The following PTPRD variants were observed in gnomAD, a reference collection of about 807,000 sequenced individuals.
The protein encoded by PTPRD is protein tyrosine phosphatase receptor type D, also known as receptor-type tyrosine-protein phosphatase delta.
PTPRD carries 34 observed loss-of-function variants against 214.5 expected under a neutral mutation model. That is an observed-to-expected ratio of 0.16 (90% CI 0.12 to 0.21). The LOEUF (loss-of-function observed/expected upper bound fraction) is 0.21, where lower values mean the gene tolerates loss of function less well. Among genes scored for constraint, PTPRD ranks in the 10% least tolerant of loss-of-function variants. PTPRD has a pLI of 1.00. For missense variants in PTPRD, 2,545 were observed against 2,398.7 expected, an observed-to-expected ratio of 1.06 and a Z score of -1.27; for synonymous variants, 1,128 against 845.7, an observed-to-expected ratio of 1.33 and a Z score of -5.79.
At chr9:9,635,681 T>A (rs372743982) in intron 7 of PTPRD, among the ~76,000 whole-genome samples, 1 of 152,222 alleles carries the variant, frequency 6.6e-6, no homozygotes, top group Non-Finnish European at 1.5e-5. Context: ...AGTCTCAACA[T>A]GGTTCATTTC....
chr9:10,372,837 A>ATTATTATTG (rs2097653985), intron 2 of PTPRD, among the ~76,000 whole-genome samples: 1 of 94 alleles, frequency 0.011, no homozygotes, highest in African/African-American at 0.083. Flanking sequence ...GTTTTTATAC[A>ATTATTATTG]TTATTATTAT....
At chr9:8,672,514 T>G (rs543484398) in intron 12 of PTPRD, among the ~76,000 whole-genome samples, 2 of 152,082 alleles carry the variant, frequency 1.3e-5, no homozygotes, top group Middle Eastern at 6.3e-3. Flanking sequence ...CATGCTAGGG[T>G]TCCTTGTAAC....
At chr9:10,559,105 T>A (rs1169046234) in intron 2 of PTPRD, among the ~76,000 whole-genome samples, 1 of 152,060 alleles carries the variant, frequency 6.6e-6, no homozygotes, top group Non-Finnish European at 1.5e-5. Context: ...AATACAGGAC[T>A]TAGAAAATAG....
chr9:10,011,762 A>G (rs2096604795), intron 4 of PTPRD, among the ~76,000 whole-genome samples: 1 of 152,030 alleles, frequency 6.6e-6, no homozygotes, highest in African/African-American at 2.4e-5. Context: ...TCAGTCCCTT[A>G]GTTTTCTATT....
chr9:10,333,909 C>T (rs2096796335), intron 3 of PTPRD, among the ~76,000 whole-genome samples: 1 of 151,744 alleles, frequency 6.6e-6, no homozygotes, highest in Non-Finnish European at 1.5e-5. Flanking sequence ...AACATTTATA[C>T]TTTCTGTTGT....
chr9:9,467,588 C>CAAAAAAAAAAAAAAAAAAAAAAAAAAAAA (rs1176159031), intron 8 of PTPRD, among the ~76,000 whole-genome samples: 5 of 55,954 alleles, frequency 8.9e-5, no homozygotes, highest in Non-Finnish European at 9.6e-5. Context: ...CTCCATCTCC[C>CAAAAAAAAAAAAAAAAAAAAAAAAAAAAA]AAAAAAAAAA....
intron 14 of PTPRD, among the ~76,000 whole-genome samples, 172 bp downstream of exon 14, chr9:8,633,145 G>C (rs935747368): frequency 5.3e-5 from 8 of 151,900 alleles, no homozygotes; most frequent in Non-Finnish European, 1.0e-4. Flanking sequence ...GTTCTGTAAA[G>C]ACCCAAAACT....
chr9:9,885,985 A>T (rs558635391), intron 5 of PTPRD, among the ~76,000 whole-genome samples: 1 of 127,370 alleles, frequency 7.9e-6, no homozygotes. Flanking sequence ...CCCACATATT[A>T]AAAAAAAAAA....
chr9:8,389,008 T>G (rs1433130121), intron 37 of PTPRD, among the ~76,000 whole-genome samples: 1 of 151,426 alleles, frequency 6.6e-6, no homozygotes, highest in Non-Finnish European at 1.5e-5. Context: ...TTTTTACTTT[T>G]TAGCAACCAC....
chr9:8,486,164 T>C lies in PTPRD; in HGVS notation c.2653A>G (p.Ile885Val), dbSNP rs61733190. 9 of 1,614,206 alleles carry C rather than the reference T, an allele frequency of 5.6e-6. No individual in the cohort carries two copies. Among genetic ancestry groups the C allele is most frequent in the Non-Finnish European group, 6.8e-6 (8 of 1,180,030 alleles). Residue 885 changes from isoleucine (I) to valine (V), a missense_variant, in exon 28 of 46, where the codon ATC becomes GTC. Ile to Val is a conservative substitution (Grantham distance 29). Transcript: ENST00000381196. ...EKEDHFTATD[I>V]HKGASYVFRL... The stretch of plus-strand genomic sequence containing the variant: ...AAGACGTATGATGCTCCCTTGTGGA[T>C]GTCTGTAGCTGTAAAGTGATCTTCT...
At chr9:9,595,458 ACGCATATGTACACATGCATACACATG>A in intron 7 of PTPRD, among the ~76,000 whole-genome samples, 1 of 150,490 alleles carries the variant, frequency 6.6e-6, no homozygotes, top group Admixed American at 6.7e-5. Context: ...ATACACATGT[ACGCATATGTACACATGCATACACATG>A]TATGCATATG....
chr9:10,558,648 A>G (rs1039827115), intron 2 of PTPRD, among the ~76,000 whole-genome samples: 1 of 152,152 alleles, frequency 6.6e-6, no homozygotes, highest in African/African-American at 2.4e-5. Context: ...CTACCAGACT[A>G]TTTGGTAGGT....
intron 6 of PTPRD, among the ~76,000 whole-genome samples, chr9:9,741,699 T>C (rs2098404981): frequency 6.6e-6 from 1 of 152,170 alleles, no homozygotes; most frequent in South Asian, 2.1e-4. Flanking sequence ...AGTGAGAATA[T>C]GCAGTGTTTG....
intron 3 of PTPRD, among the ~76,000 whole-genome samples, chr9:10,211,099 G>T (rs1026885587): frequency 6.6e-6 from 1 of 151,932 alleles, no homozygotes; most frequent in Admixed American, 6.6e-5. Flanking sequence ...TTGGGAAAAA[G>T]GGGGAGATTG....
intron 9 of PTPRD, among the ~76,000 whole-genome samples, chr9:9,239,191 A>C (rs981581162): frequency 2.7e-5 from 4 of 147,014 alleles, no homozygotes; most frequent in East Asian, 1.9e-4. Context: ...CAGGGAGATG[A>C]CTGTCTGAAA....
intron 5 of PTPRD, among the ~76,000 whole-genome samples, chr9:9,819,363 T>C (rs1167705192): frequency 1.3e-5 from 2 of 152,194 alleles, no homozygotes; most frequent in Admixed American, 6.5e-5. Context: ...AAATGAACTT[T>C]GGCGGAGGTT....
chr9:10,053,587 T>C (rs1392270298), intron 3 of PTPRD, among the ~76,000 whole-genome samples: 3 of 152,146 alleles, frequency 2.0e-5, no homozygotes, highest in Non-Finnish European at 4.4e-5. Flanking sequence ...ACCTCATAAA[T>C]GAACAGCAGT....
At chr9:9,912,268 A>T (rs546709127) in intron 5 of PTPRD, among the ~76,000 whole-genome samples, 2 of 152,296 alleles carry the variant, frequency 1.3e-5, no homozygotes, top group East Asian at 3.9e-4. Context: ...TTCAGTTGAA[A>T]AAACAAAGGA....
chr9:9,697,626 G>A (rs1193797928), intron 7 of PTPRD, among the ~76,000 whole-genome samples: 1 of 152,006 alleles, frequency 6.6e-6, no homozygotes, highest in East Asian at 1.9e-4. Context: ...TTTTGTGTTT[G>A]ACCTTTGAGA....
Sources: gnomAD v4.1 joint callset for allele counts (sites outside exome capture counted in the v4.1 genomes callset) on GRCh38, gnomAD v4.1.1 for gene constraint, MANE v1.5 for transcripts, NCBI Gene and HGNC (gene_info 2026-07-23, HGNC 2026-07-21) for gene names.